Variants in PPP1R9A observed in about 807,000 individuals in gnomAD.
PPP1R9A encodes the protein protein phosphatase 1 regulatory subunit 9A.
Under a neutral mutation model 141.9 loss-of-function variants are expected in PPP1R9A, and 59 were observed. That is an observed-to-expected ratio of 0.42 (90% CI 0.34 to 0.52). The LOEUF is 0.52. Ranked by LOEUF, PPP1R9A falls within the 20% of genes least tolerant of loss-of-function variation. The pLI, the probability that PPP1R9A is intolerant of heterozygous loss-of-function variation, is 0.10. For missense variants in PPP1R9A, 1,444 were observed against 1,611.9 expected, an observed-to-expected ratio of 0.90 and a Z score of 1.78; for synonymous variants, 500 against 569.7, an observed-to-expected ratio of 0.88 and a Z score of 1.74.
At position 95,274,074 on chromosome 7, in the gene PPP1R9A, T is replaced by G; in HGVS notation, c.3213-11T>G. 6.4e-7 allele frequency: 1 copy of G among 1,555,478 alleles called. No individual in the cohort carries two copies. The highest frequency in any genetic ancestry group is 1.4e-5 in the African/African-American group (1 of 73,924). On this transcript the variant is annotated splice_polypyrimidine_tract_variant and intron_variant, in intron 15 of 19. Coordinates refer to ENST00000433360, the MANE Select transcript of PPP1R9A (RefSeq NM_001166160.2). ...CAGCTTCCCCTTTCTGACTGCTTAC[T>G]ATCATTACAGGGCGCCTTTGCGAAG... is the stretch of plus-strand genomic sequence containing the variant.
intron 16 of PPP1R9A, among the ~76,000 whole-genome samples, chr7:95,277,125 C>G (rs1224548530): frequency 1.3e-5 from 2 of 152,166 alleles, no homozygotes; most frequent in Non-Finnish European, 2.9e-5. Flanking sequence ...CTTTTTGAAG[C>G]ATTTCATCCA....
chr7:95,281,659 A>G (rs1715731088), intron 16 of PPP1R9A, among the ~76,000 whole-genome samples: 1 of 152,212 alleles, frequency 6.6e-6, no homozygotes, highest in Non-Finnish European at 1.5e-5. Context: ...AACTAAAGCA[A>G]TGGAATGACC....
At chr7:94,975,356 G>GTTTTTTTTTTTTTTTTTTT in intron 2 of PPP1R9A, among the ~76,000 whole-genome samples, 2 of 120,714 alleles carry the variant, frequency 1.7e-5, no homozygotes, top group Non-Finnish European at 3.5e-5. Flanking sequence ...GTTTTTTTTT[G>GTTTTTTTTTTTTTTTTTTT]TTTTTTTTTT....
At chr7:95,083,040 C>T (rs1816134104) in intron 2 of PPP1R9A, among the ~76,000 whole-genome samples, 1 of 151,918 alleles carries the variant, frequency 6.6e-6, no homozygotes, top group African/African-American at 2.4e-5. Flanking sequence ...CAGGCGTGAG[C>T]CACTGCGCCC....
chr7:95,102,581 G>T (rs530742062), intron 2 of PPP1R9A, among the ~76,000 whole-genome samples: 1 of 152,304 alleles, frequency 6.6e-6, no homozygotes, highest in African/African-American at 2.4e-5. Flanking sequence ...TTACATGTGG[G>T]CCCCATGCAG....
chr7:94,975,676 G>A (rs1269435366), intron 2 of PPP1R9A, among the ~76,000 whole-genome samples: 1 of 151,832 alleles, frequency 6.6e-6, no homozygotes, highest in Non-Finnish European at 1.5e-5. Flanking sequence ...TCACCCAAAT[G>A]TACTTTAAGT....
intron 2 of PPP1R9A, among the ~76,000 whole-genome samples, chr7:94,994,659 G>C (rs1231131873): frequency 1.3e-5 from 2 of 152,066 alleles, no homozygotes; most frequent in African/African-American, 4.8e-5. Context: ...ACTTTGGGAG[G>C]CTGAGGCAGA....
chr7:95,052,166 T>C (rs1810913014), intron 2 of PPP1R9A, among the ~76,000 whole-genome samples: 1 of 152,170 alleles, frequency 6.6e-6, no homozygotes, highest in African/African-American at 2.4e-5. Context: ...TCATTGCCTC[T>C]CTTTACTATA....
chr7:95,091,738 C>T (rs1450261854), intron 2 of PPP1R9A, among the ~76,000 whole-genome samples: 2 of 151,344 alleles, frequency 1.3e-5, no homozygotes, highest in Non-Finnish European at 2.9e-5. Flanking sequence ...CAATTTATGG[C>T]CCTTTGCAGT....
chr7:95,063,782 G>T (rs914299371), intron 2 of PPP1R9A, among the ~76,000 whole-genome samples: 10 of 152,010 alleles, frequency 6.6e-5, no homozygotes, highest in African/African-American at 2.4e-4. Context: ...AAATTTGTGG[G>T]GATGTGTTTT....
chr7:95,251,667 C>T, intron 10 of PPP1R9A, 95 bp from the exon 11 acceptor site: 1 of 1,115,408 alleles, frequency 9.0e-7, no homozygotes, highest in South Asian at 1.8e-5. Flanking sequence ...AATAACTGTT[C>T]AGTTGCTTAT....
At chr7:95,020,448 T>A (rs1205396187) in intron 2 of PPP1R9A, among the ~76,000 whole-genome samples, 4 of 152,154 alleles carry the variant, frequency 2.6e-5, no homozygotes, top group Admixed American at 2.6e-4. Flanking sequence ...GAGCTACATT[T>A]TTGTTGTTAT....
At chr7:95,167,904 CAA>C (rs1309223127) in intron 5 of PPP1R9A, among the ~76,000 whole-genome samples, 1 of 151,924 alleles carries the variant, frequency 6.6e-6, no homozygotes, top group African/African-American at 2.4e-5. Context: ...GAAGAGGACA[CAA>C]ACAAAACAAA....
chr7:95,134,961 G>A (rs548550966), intron 4 of PPP1R9A, among the ~76,000 whole-genome samples: 4 of 152,138 alleles, frequency 2.6e-5, no homozygotes, highest in East Asian at 3.9e-4. Context: ...GATGACTTTC[G>A]TTATTTGGAA....
At chr7:95,011,257 A>G (rs2151623390) in intron 2 of PPP1R9A, among the ~76,000 whole-genome samples, 1 of 152,234 alleles carries the variant, frequency 6.6e-6, no homozygotes, top group South Asian at 2.1e-4. Flanking sequence ...CACAAGGTTG[A>G]TTTTTAGATT....
chr7:95,129,447 A>G (rs1824181574), intron 4 of PPP1R9A, among the ~76,000 whole-genome samples: 1 of 152,240 alleles, frequency 6.6e-6, no homozygotes, highest in Admixed American at 6.5e-5. Flanking sequence ...TATAAGTCCA[A>G]TAAACCTTTT....
chr7:94,931,009 C>T (rs1427662213), intron 2 of PPP1R9A, among the ~76,000 whole-genome samples: 1 of 152,136 alleles, frequency 6.6e-6, no homozygotes, highest in East Asian at 1.9e-4. Context: ...ATTAATGTTG[C>T]CTTCTGTAGA....
intron 7 of PPP1R9A, among the ~76,000 whole-genome samples, chr7:95,213,346 A>G: frequency 7.4e-6 from 1 of 134,328 alleles, no homozygotes. Flanking sequence ...TTGGAGACAG[A>G]GTTTTGCTCT....
In PPP1R9A at chr7:95,274,173, G is replaced by A. The variant is rs61756427; in HGVS notation, c.3296+5G>A. ...TAGGTTTTCTGCAGGTAGCAGGTACGGTTGTGTGATTAAGAACACGTGTAT... is the reference window on the plus strand; with the variant it reads ...TAGGTTTTCTGCAGGTAGCAGGTACAGTTGTGTGATTAAGAACACGTGTAT... On this transcript the variant is annotated splice_donor_5th_base_variant and intron_variant, in intron 16 of 19. Coordinates refer to ENST00000433360, the MANE Select transcript of PPP1R9A (RefSeq NM_001166160.2). 4.8e-5 allele frequency: 75 copies of A among 1,547,442 alleles called. No homozygotes were observed. The Middle Eastern group carries it at 6.7e-4, about 14-fold the overall frequency.
Sources: gnomAD v4.1 joint callset for allele counts (sites outside exome capture counted in the v4.1 genomes callset) on GRCh38, gnomAD v4.1.1 for gene constraint, MANE v1.5 for transcripts, NCBI Gene and HGNC (gene_info 2026-07-23, HGNC 2026-07-21) for gene names.